SPSB4: variants seen among roughly 807,000 people sequenced by gnomAD.
SPSB4 encodes the protein splA/ryanodine receptor domain and SOCS box containing 4, also known as SPRY domain-containing SOCS box protein 4.
Under a neutral mutation model 20.9 loss-of-function variants are expected in SPSB4, and 21 were observed. The ratio of observed to expected loss-of-function variants is 1.01; its 90% confidence interval spans 0.71 to 1.45. SPSB4 has a LOEUF of 1.45. Ranked by LOEUF, SPSB4 falls within the 40% of genes most tolerant of loss-of-function variation. The pLI, the probability that SPSB4 is intolerant of heterozygous loss-of-function variation, is 0.00. For synonymous variants in SPSB4, 207 were observed against 183.8 expected, an observed-to-expected ratio of 1.13 and a Z score of -1.02; for missense variants, 399 against 399.2, an observed-to-expected ratio of 1.00 and a Z score of 0.00.
intron 2 of SPSB4, among the ~76,000 whole-genome samples, chr3:141,116,341 G>T (rs1400509488): frequency 1.3e-5 from 2 of 152,192 alleles, no homozygotes; most frequent in African/African-American, 2.4e-5. Flanking sequence ...GTTAGTTGCT[G>T]CCCCCCACTA....
At chr3:141,102,339 GA>G (rs537712992) in intron 2 of SPSB4, among the ~76,000 whole-genome samples, 19 of 152,138 alleles carry the variant, frequency 1.2e-4, no homozygotes, top group Non-Finnish European at 2.5e-4. Flanking sequence ...ACTTAGCAAG[GA>G]AAACATACAA....
chr3:141,060,350 A>T (rs1427389635), intron 1 of SPSB4, among the ~76,000 whole-genome samples: 1 of 152,058 alleles, frequency 6.6e-6, no homozygotes, highest in East Asian at 1.9e-4. Context: ...TCCCTTAGAA[A>T]TTTTCTGTGT....
chr3:141,083,289 G>A (rs1030387562), intron 2 of SPSB4, among the ~76,000 whole-genome samples: 1 of 152,154 alleles, frequency 6.6e-6, no homozygotes, highest in African/African-American at 2.4e-5. Flanking sequence ...TGGTTTGGAG[G>A]GCCCATGGGG....
At chr3:141,076,636 C>G (rs7623980) in intron 2 of SPSB4, among the ~76,000 whole-genome samples, 22,044 of 152,140 alleles carry the variant, frequency 0.14, 4,962 homozygotes, top group African/African-American at 0.49. Context: ...GCCTGAGGGA[C>G]ATGAAGAGCC....
In SPSB4 at chr3:141,053,599, G is replaced by A. The variant is rs961594118; in HGVS notation, c.-154+1607G>A. Among the ~76,000 whole-genome samples the A allele has an allele frequency of 7.2e-5, 11 of 152,198 alleles. No individual in the cohort carries two copies. In the East Asian group the frequency reaches 2.1e-3, roughly 29 times the overall value. ...GGCTCATCTCTTTAAATATGTAAGA[G>A]ATTCCTGAGGTCAACAAACAAAAGA... On this transcript the variant is annotated intron_variant, in intron 1 of 2. Transcript: ENST00000310546.
At chr3:141,095,246 C>T (rs1470727348) in intron 2 of SPSB4, among the ~76,000 whole-genome samples, 1 of 152,134 alleles carries the variant, frequency 6.6e-6, no homozygotes, top group Non-Finnish European at 1.5e-5. Context: ...GCTGCCGAGA[C>T]TGCGGAGAGC....
intron 2 of SPSB4, among the ~76,000 whole-genome samples, chr3:141,103,077 CTG>C (rs915325976): frequency 6.6e-6 from 1 of 152,252 alleles, no homozygotes; most frequent in African/African-American, 2.4e-5. Flanking sequence ...TTTGATGTCT[CTG>C]TTTTCCCAAT....
At chr3:141,065,865 C>G (rs1186713863) in intron 1 of SPSB4, 87 bp from the exon 2 acceptor site, 3 of 494,180 alleles carry the variant, frequency 6.1e-6, no homozygotes, top group Non-Finnish European at 1.1e-5. Flanking sequence ...ATGCAAAGGG[C>G]TCAGCCAAGG....
rs571175920 is a variant in SPSB4, at chr3:141,115,649, A to G, written c.695-31493A>G. Among the ~76,000 whole-genome samples, 20 of 152,350 alleles carry G rather than the reference A, an allele frequency of 1.3e-4. 1 individual carries two copies. The highest frequency in any genetic ancestry group is 3.4e-3 in the Middle Eastern group (1 of 294). ...CTTTTTAAAAATTTATCTAAAACAAAAAATCATTTGCCTTGAAACTAGAAG... is the reference window on the plus strand; with the variant it reads ...CTTTTTAAAAATTTATCTAAAACAAGAAATCATTTGCCTTGAAACTAGAAG... On this transcript the variant is annotated intron_variant, in intron 2 of 2. Transcript: ENST00000310546.
chr3:141,131,922 A>T (rs1167989944), intron 2 of SPSB4, among the ~76,000 whole-genome samples: 4 of 152,248 alleles, frequency 2.6e-5, no homozygotes, highest in Non-Finnish European at 5.9e-5. Flanking sequence ...CACTAAAAGC[A>T]TTGTGAGCAT....
At chr3:141,134,030 C>CTT (rs1207127072) in intron 2 of SPSB4, among the ~76,000 whole-genome samples, 1 of 37,772 alleles carries the variant, frequency 2.6e-5, no homozygotes, top group African/African-American at 1.3e-4. Flanking sequence ...TTTTTTTTTT[C>CTT]TTTTCTTTTT....
At chr3:141,106,004 G>C (rs557831950) in intron 2 of SPSB4, among the ~76,000 whole-genome samples, 33 of 152,314 alleles carry the variant, frequency 2.2e-4, no homozygotes, top group African/African-American at 7.5e-4. Flanking sequence ...TGTAAATCAA[G>C]AGCAAAGACA....
At chr3:141,115,298 A>G (rs1348613943) in intron 2 of SPSB4, 1 of 152,250 alleles carries the variant, frequency 6.6e-6, no homozygotes, top group Non-Finnish European at 1.5e-5. Flanking sequence ...TGGCGTTGGC[A>G]GGTACTGACA....
Position 141,053,347 on chromosome 3 carries a change from T to A in SPSB4, c.-154+1355T>A, listed in dbSNP as rs754254255. ...CATACCCTCTAATTTATTCCATTTT[T>A]AAAAATGGTAATGAAAAGAATTTAA... On this transcript the variant is annotated intron_variant, in intron 1 of 2. Transcript: ENST00000310546. Among the ~76,000 whole-genome samples, 4 of 152,118 alleles carry A rather than the reference T, an allele frequency of 2.6e-5. No homozygotes were observed. In the East Asian group the frequency reaches 5.8e-4, roughly 22 times the overall value.
intron 2 of SPSB4, among the ~76,000 whole-genome samples, chr3:141,136,028 C>G (rs1177138961): frequency 2.0e-5 from 3 of 151,616 alleles, no homozygotes; most frequent in South Asian, 4.2e-4. Flanking sequence ...TTTTAATGAT[C>G]GCCATTCTAA....
chr3:141,133,076 CAT>C (rs59165667), intron 2 of SPSB4, among the ~76,000 whole-genome samples: 2,090 of 152,250 alleles, frequency 0.014, 50 homozygotes, highest in African/African-American at 0.048. Context: ...AGCATTTTGT[CAT>C]ATGTTTGTCA....
intron 2 of SPSB4, among the ~76,000 whole-genome samples, chr3:141,115,963 T>G (rs1938873526): frequency 6.6e-6 from 1 of 152,216 alleles, no homozygotes; most frequent in Non-Finnish European, 1.5e-5. Flanking sequence ...ACCATCCTCC[T>G]CTGGGCCTGT....
intron 2 of SPSB4, among the ~76,000 whole-genome samples, chr3:141,079,130 A>G (rs907850841): frequency 3.3e-5 from 5 of 152,042 alleles, no homozygotes; most frequent in Admixed American, 6.6e-5. Context: ...GTGTGGTGGC[A>G]GGCACCTGTA....
At chr3:141,054,837 C>T (rs1205175370) in intron 1 of SPSB4, among the ~76,000 whole-genome samples, 12 of 152,166 alleles carry the variant, frequency 7.9e-5, no homozygotes, top group Admixed American at 2.0e-4. Flanking sequence ...TGGCGGCTTG[C>T]GCCTGTAGTC....
Sources: gnomAD v4.1 joint callset for allele counts (sites outside exome capture counted in the v4.1 genomes callset) on GRCh38, gnomAD v4.1.1 for gene constraint, MANE v1.5 for transcripts, NCBI Gene and HGNC (gene_info 2026-07-23, HGNC 2026-07-21) for gene names.